MALRD1: variants seen among roughly 807,000 people sequenced by gnomAD.
The protein encoded by MALRD1 is MAM and LDL receptor class A domain containing 1, also known as MAM and LDL-receptor class A domain-containing protein 1.
In MALRD1, 247 loss-of-function variants were observed where a neutral mutation model predicts 242.1. The observed-to-expected ratio is 1.02, with a 90% CI of 0.92 to 1.13. The LOEUF is 1.13. Among genes scored for constraint, MALRD1 ranks in the 50% most tolerant of loss-of-function variants. MALRD1 has a pLI of 0.00. For missense variants in MALRD1, 2,989 were observed against 2,533.1 expected, an observed-to-expected ratio of 1.18 and a Z score of -3.86; for synonymous variants, 995 against 866.6, an observed-to-expected ratio of 1.15 and a Z score of -2.60.
intron 4 of MALRD1, among the ~76,000 whole-genome samples, chr10:19,095,107 T>C (rs900675923): frequency 7.9e-5 from 12 of 152,184 alleles, no homozygotes; most frequent in Non-Finnish European, 1.3e-4. Context: ...ATATCATTTG[T>C]TATATGGTAG....
At position 19,176,376 on chromosome 10, in the gene MALRD1, T is replaced by C. The variant is rs996321701; in HGVS notation, c.1951+1048T>C. Among the ~76,000 whole-genome samples, 26 of 116,374 alleles carry C rather than the reference T, an allele frequency of 2.2e-4. 3 individuals carry two copies. The highest frequency in any genetic ancestry group is 5.7e-5 in the Non-Finnish European group (3 of 52,540). The allele number at this position is 116,374 out of a possible 152,430, so 76.3% of individuals were successfully genotyped here. A position where few individuals can be genotyped will look rare whatever the true frequency, so the allele number is the denominator to read the frequency against. The stretch of plus-strand genomic sequence containing the variant: ...GTATATTTCTGGGTGCTTTTTTTTT[T>C]TTTTTTTTTGAGACGGAGTCTCGCT... On this transcript the variant is annotated intron_variant, in intron 14 of 39. Coordinates refer to ENST00000454679, the MANE Select transcript of MALRD1 (RefSeq NM_001142308.3).
chr10:19,311,057 CAA>C (rs1842405673), intron 21 of MALRD1, among the ~76,000 whole-genome samples: 1 of 151,296 alleles, frequency 6.6e-6, no homozygotes, highest in Non-Finnish European at 1.5e-5. Context: ...AATATTTGGA[CAA>C]AAGAGAATAG....
chr10:19,696,168 A>G (rs1014800058), intron 38 of MALRD1, among the ~76,000 whole-genome samples: 3 of 152,168 alleles, frequency 2.0e-5, no homozygotes, highest in African/African-American at 7.2e-5. Context: ...GGCTGGGCTC[A>G]TGCAAGACTC....
At chr10:19,142,171 C>CAAAAAAAAAAAAAAAAA (rs529000033) in intron 10 of MALRD1, among the ~76,000 whole-genome samples, 4 of 26,276 alleles carry the variant, frequency 1.5e-4, no homozygotes, top group African/African-American at 6.8e-4. Context: ...GACTCTAACT[C>CAAAAAAAAAAAAAAAAA]AAAAAAAAAA....
intron 17 of MALRD1, among the ~76,000 whole-genome samples, chr10:19,206,854 C>T (rs184489215): frequency 1.4e-4 from 21 of 152,248 alleles, no homozygotes; most frequent in Admixed American, 1.3e-3. Flanking sequence ...ATGTCAGAAA[C>T]GCAGCAACTT....
chr10:19,076,233 A>T (rs1835313013), intron 2 of MALRD1, among the ~76,000 whole-genome samples: 1 of 151,952 alleles, frequency 6.6e-6, no homozygotes, highest in Non-Finnish European at 1.5e-5. Context: ...AATTTTGATA[A>T]AGTCAAATTT....
intron 11 of MALRD1, among the ~76,000 whole-genome samples, chr10:19,152,429 C>T (rs576616723): frequency 2.6e-5 from 4 of 152,226 alleles, no homozygotes; most frequent in African/African-American, 9.6e-5. Context: ...TGGTCAGTAA[C>T]TTCATATTTT....
At chr10:19,383,303 A>G (rs369247292) in intron 26 of MALRD1, among the ~76,000 whole-genome samples, 181 of 152,196 alleles carry the variant, frequency 1.2e-3, no homozygotes, top group African/African-American at 4.2e-3. Flanking sequence ...AACATACGGT[A>G]TTGGCTTTCT....
rs118141512 is a variant in MALRD1, at chr10:19,629,900, G to A, written c.6137+13977G>A. ...ATGTCAGAGTAGAAGCTTTTGTGCTGTTGCTAGGTGGCTGATCTCTGCCTT... is the reference window on the plus strand; with the variant it reads ...ATGTCAGAGTAGAAGCTTTTGTGCTATTGCTAGGTGGCTGATCTCTGCCTT... On this transcript the variant is annotated intron_variant, in intron 36 of 39. Coordinates refer to ENST00000454679, the MANE Select transcript of MALRD1 (RefSeq NM_001142308.3). Among the ~76,000 whole-genome samples, 82 of 152,304 alleles carry A rather than the reference G, an allele frequency of 5.4e-4. No homozygotes were observed. In the East Asian group the frequency reaches 0.015, roughly 28 times the overall value.
intron 26 of MALRD1, 69 bp from the exon 27 acceptor site, chr10:19,387,459 C>A: frequency 6.8e-7 from 1 of 1,477,176 alleles, no homozygotes; most frequent in Non-Finnish European, 9.0e-7. Flanking sequence ...TCCACTCTTA[C>A]TGCTTTTTGA....
intron 28 of MALRD1, among the ~76,000 whole-genome samples, chr10:19,448,309 G>C (rs1041355880): frequency 1.3e-5 from 2 of 151,828 alleles, no homozygotes; most frequent in Non-Finnish European, 2.9e-5. Context: ...ATCTTCTCTA[G>C]TCTACTTTTT....
intron 29 of MALRD1, among the ~76,000 whole-genome samples, chr10:19,473,004 T>C (rs1324255796): frequency 6.6e-6 from 1 of 150,996 alleles, no homozygotes; most frequent in African/African-American, 2.4e-5. Flanking sequence ...TAGACAATAA[T>C]ATTTGCCATT....
chr10:19,269,245 C>T (rs1372034681), intron 19 of MALRD1, among the ~76,000 whole-genome samples: 1 of 152,124 alleles, frequency 6.6e-6, no homozygotes, highest in South Asian at 2.1e-4. Context: ...GAAGTGGGGC[C>T]TTTGAGAGGT....
intron 18 of MALRD1, among the ~76,000 whole-genome samples, chr10:19,251,583 T>C (rs923633332): frequency 1.3e-5 from 2 of 151,984 alleles, no homozygotes; most frequent in African/African-American, 4.8e-5. Flanking sequence ...TCAGTGTATA[T>C]ATATGAAATA....
chr10:19,183,599 A>ACAT (rs1224619520), intron 14 of MALRD1, among the ~76,000 whole-genome samples: 4 of 152,276 alleles, frequency 2.6e-5, no homozygotes, highest in African/African-American at 9.6e-5. Context: ...TTTCTTTTTT[A>ACAT]CATGAGACTG....
intron 33 of MALRD1, among the ~76,000 whole-genome samples, chr10:19,585,755 G>T (rs1837359056): frequency 6.6e-6 from 1 of 152,038 alleles, no homozygotes; most frequent in Admixed American, 6.6e-5. Context: ...TGTATTTCCT[G>T]AATCTGAATG....
At chr10:19,718,000 CTAAATAAA>C (rs751306181) in intron 38 of MALRD1, among the ~76,000 whole-genome samples, 16 of 128,142 alleles carry the variant, frequency 1.2e-4, no homozygotes, top group South Asian at 4.8e-4. Context: ...GAGATTCTAC[CTAAATAAA>C]TAAATAAATA....
Position 19,389,510 on chromosome 10 carries a change from C to G in MALRD1, c.4746C>G (p.Phe1582Leu). Residue 1582 changes from phenylalanine to leucine, a missense_variant, in exon 28 of 40, where the codon TTC becomes TTG. Physicochemically the swap from Phe to Leu is conservative, Grantham distance 22. Coordinates refer to ENST00000454679, the MANE Select transcript of MALRD1 (RefSeq NM_001142308.3). ...GCCTTCGGGGTGACAAAGCACACTT[C>G]AGGAGTACCATGTGGCGAGAATCCA... ...AVGLRGDKAH[F>L]RSTMWRESSA... 1.9e-6 allele frequency: 3 copies of G among 1,550,604 alleles called. No homozygotes were observed. The highest frequency in any genetic ancestry group is 2.6e-6 in the Non-Finnish European group (3 of 1,146,966).
chr10:19,203,555 A>G (rs990868793), intron 14 of MALRD1, among the ~76,000 whole-genome samples, 173 bp from the exon 15 acceptor site: 3 of 152,226 alleles, frequency 2.0e-5, no homozygotes, highest in African/African-American at 7.2e-5. Context: ...TGGAAAGCAT[A>G]GCTCCATTTT....
Sources: gnomAD v4.1 joint callset for allele counts (sites outside exome capture counted in the v4.1 genomes callset) on GRCh38, gnomAD v4.1.1 for gene constraint, MANE v1.5 for transcripts, NCBI Gene and HGNC (gene_info 2026-07-23, HGNC 2026-07-21) for gene names.